Variants in TRAF2 observed in about 807,000 individuals in gnomAD.
TRAF2 encodes the protein TNF receptor associated factor 2, also known as TNF receptor-associated factor 2.
Under a neutral mutation model 55.6 loss-of-function variants are expected in TRAF2, and 6 were observed. The ratio of observed to expected loss-of-function variants is 0.11; its 90% confidence interval spans 0.06 to 0.21. The LOEUF (loss-of-function observed/expected upper bound fraction) is 0.21, where lower values mean the gene tolerates loss of function less well. Ranked by LOEUF, TRAF2 falls within the 10% of genes least tolerant of loss-of-function variation. The probability of loss-of-function intolerance (pLI) is 1.00; values close to 1 mark genes in which losing one functional copy is unlikely to be tolerated. For missense variants in TRAF2, 561 were observed against 684.5 expected, an observed-to-expected ratio of 0.82 and a Z score of 2.01; for synonymous variants, 329 against 276.3, an observed-to-expected ratio of 1.19 and a Z score of -1.89.
chr9:136,901,433 AAAGG>A (rs1849817882), intron 4 of TRAF2, among the ~76,000 whole-genome samples: 1 of 152,228 alleles, frequency 6.6e-6, no homozygotes, highest in Non-Finnish European at 1.5e-5. Flanking sequence ...TCAGCCTTAA[AAAGG>A]AAGGCGATTC....
In TRAF2 at chr9:136,888,512, A is replaced by G. The variant is rs1365908330; in HGVS notation, c.-29+1971A>G. 2.6e-5 allele frequency among the ~76,000 whole-genome samples: 4 copies of G among 152,220 alleles called. No individual in the cohort carries two copies. In the East Asian group the frequency reaches 5.8e-4, roughly 22 times the overall value. On this transcript the variant is annotated intron_variant, in intron 1 of 10. Transcript: ENST00000247668. ...GCAGTTGTGTGCTGTTGGTGGAGAC[A>G]TGAATTGAGGTTTGAATCTCCAGCA...
In TRAF2 at chr9:136,886,847, C is replaced by T. The variant is rs1261391002; in HGVS notation, c.-29+306C>T. The T allele has an allele frequency of 5.1e-5, 8 of 155,546 alleles. No homozygotes were observed. In the East Asian group the frequency reaches 1.5e-3, roughly 30 times the overall value. The allele number at this position is 155,546 out of a possible 1,614,324, so 9.6% of individuals were successfully genotyped here. The stretch of plus-strand genomic sequence containing the variant: ...TGCGCGGGGTCGCGGCTCCCAGTAC[C>T]GCCTGAGGCCCGTGGGCGGCCCACC... On this transcript the variant is annotated intron_variant, in intron 1 of 10. Coordinates refer to ENST00000247668, the MANE Select transcript of TRAF2 (RefSeq NM_021138.4).
In TRAF2 at chr9:136,898,710, T is replaced by G. The variant is rs990977089; in HGVS notation, c.-28-3T>G. The G allele has an allele frequency of 2.5e-6, 4 of 1,612,346 alleles. No individual in the cohort carries two copies. The highest frequency in any genetic ancestry group is 1.3e-5 in the African/African-American group (1 of 74,926). On this transcript the variant is annotated splice_region_variant and splice_polypyrimidine_tract_variant and intron_variant, in intron 1 of 10. Coordinates refer to ENST00000247668, the MANE Select transcript of TRAF2 (RefSeq NM_021138.4). ...GTGTAACGTGCTGTGTGTTCTTCCT[T>G]AGGGCTTTGTTCGCGGGGGTCACAG...
At chr9:136,896,122 A>G (rs528930541) in intron 1 of TRAF2, among the ~76,000 whole-genome samples, 2 of 152,028 alleles carry the variant, frequency 1.3e-5, no homozygotes, top group Admixed American at 6.6e-5. Flanking sequence ...GTCCCTCTCT[A>G]GCTGTCCCCA....
At chr9:136,888,527 A>G (rs1485402758) in intron 1 of TRAF2, among the ~76,000 whole-genome samples, 1 of 152,156 alleles carries the variant, frequency 6.6e-6, no homozygotes, top group Non-Finnish European at 1.5e-5. Context: ...TTGAGGTTTG[A>G]ATCTCCAGCA....
chr9:136,882,614 C>T (rs1172708080), upstream of TRAF2: 52 of 969,840 alleles, frequency 5.4e-5, 1 homozygote, highest in Non-Finnish European at 6.1e-6. Context: ...ACATACCCTC[C>T]CCCTGCCCCT....
At chr9:136,914,687 T>C (rs1334135038) in intron 6 of TRAF2, among the ~76,000 whole-genome samples, 1 of 152,188 alleles carries the variant, frequency 6.6e-6, no homozygotes, top group African/African-American at 2.4e-5. Context: ...ATAAGAACGG[T>C]GTCAGTAGCA....
intron 10 of TRAF2, among the ~76,000 whole-genome samples, chr9:136,925,235 G>A (rs956002485): frequency 1.3e-5 from 2 of 152,178 alleles, no homozygotes; most frequent in East Asian, 3.9e-4. Flanking sequence ...TCTGTCCTGG[G>A]GCATCCAGGT....
At chr9:136,885,552 G>C (rs534004046), upstream of TRAF2, among the ~76,000 whole-genome samples, 9 of 152,282 alleles carry the variant, frequency 5.9e-5, no homozygotes, top group African/African-American at 1.9e-4. Flanking sequence ...GTTTTCACTT[G>C]AGGTCGGGAG....
chr9:136,915,287 C>T (rs982411373), intron 6 of TRAF2, among the ~76,000 whole-genome samples: 3 of 152,138 alleles, frequency 2.0e-5, no homozygotes, highest in African/African-American at 4.8e-5. Context: ...GCTCCCCGTC[C>T]GCAGCGCCGT....
intron 4 of TRAF2, among the ~76,000 whole-genome samples, chr9:136,905,314 T>C (rs17250812): frequency 2.6e-5 from 4 of 152,306 alleles, no homozygotes; most frequent in Non-Finnish European, 4.4e-5. Flanking sequence ...CTCTCCTGTC[T>C]CAAAACTTAG....
At chr9:136,910,388 G>A (rs1850076063) in intron 6 of TRAF2, among the ~76,000 whole-genome samples, 1 of 152,180 alleles carries the variant, frequency 6.6e-6, no homozygotes, top group African/African-American at 2.4e-5. Context: ...GCCCTAGTCT[G>A]GTCTGCTGCC....
chr9:136,884,129 G>C (rs141842961), upstream of TRAF2, among the ~76,000 whole-genome samples: 23 of 151,902 alleles, frequency 1.5e-4, no homozygotes, highest in African/African-American at 5.5e-4. Flanking sequence ...TATTTTTTTA[G>C]TAGAGACGAG....
At chr9:136,895,356 T>C (rs987847589) in intron 1 of TRAF2, among the ~76,000 whole-genome samples, 1 of 152,202 alleles carries the variant, frequency 6.6e-6, no homozygotes, top group African/African-American at 2.4e-5. Context: ...GACACTCTTT[T>C]GGCAACTTGG....
In TRAF2 at chr9:136,920,386, G is replaced by T; in HGVS notation, c.831G>T (p.Lys277Asn). ...ELLQRCESLEKKTATFENIVC... is the reference protein window; with the variant it reads ...ELLQRCESLENKTATFENIVC... ...TGCAGAGGTGCGAGAGCCTGGAGAA[G>T]AAGACGGCCACTTTTGAGAACATTG... Residue 277 changes from lysine (K) to asparagine (N), a missense_variant, in exon 8 of 11, where the codon AAG (lysine) becomes AAT (asparagine). Around this residue, in one of 2 missense-constraint regions of TRAF2, gnomAD observed 426 missense variants for 476.8 expected, o/e 0.89. Coordinates refer to ENST00000247668, the MANE Select transcript of TRAF2 (RefSeq NM_021138.4). The T allele has an allele frequency of 6.2e-7, 1 of 1,614,176 alleles. No homozygotes were observed. The highest frequency in any genetic ancestry group is 8.5e-7 in the Non-Finnish European group (1 of 1,180,034).
Position 136,899,683 on chromosome 9 carries a change from T to G in TRAF2, c.267+11T>G. Reference sequence around the variant, plus strand: ...TTAGAAAGCAGTTCGGTAAGTAAAATGTCTTGAAGCTAAAAATGTTGAACA... The same window carrying G: ...TTAGAAAGCAGTTCGGTAAGTAAAAGGTCTTGAAGCTAAAAATGTTGAACA... On this transcript the variant is annotated intron_variant, in intron 3 of 10. Transcript: ENST00000247668. The G allele has an allele frequency of 6.2e-7, 1 of 1,609,702 alleles. No individual in the cohort carries two copies. The highest frequency in any genetic ancestry group is 8.5e-7 in the Non-Finnish European group (1 of 1,176,982).
intron 1 of TRAF2, among the ~76,000 whole-genome samples, chr9:136,893,792 C>T (rs1849627650): frequency 1.3e-5 from 2 of 152,114 alleles, no homozygotes; most frequent in Non-Finnish European, 2.9e-5. Flanking sequence ...CTGCAATGCG[C>T]AGGCTGGAGT....
In TRAF2 at chr9:136,901,707, C is replaced by T. The variant is rs139316299; in HGVS notation, c.366+1187C>T. ...GCTGTGAGGGCTGTTTGCTCAGAAT[C>T]CTGGCTTTCTGCACTTAGGGGAGCT... On this transcript the variant is annotated intron_variant, in intron 4 of 10. Transcript: ENST00000247668. Among the ~76,000 whole-genome samples the T allele has an allele frequency of 3.9e-3, 592 of 152,298 alleles. 6 individuals carry two copies. The highest frequency in any genetic ancestry group is 3.1e-3 in the Non-Finnish European group (212 of 68,012).
intron 4 of TRAF2, among the ~76,000 whole-genome samples, chr9:136,903,924 C>T (rs1045418075): frequency 3.9e-5 from 6 of 152,150 alleles, no homozygotes; most frequent in East Asian, 3.9e-4. Context: ...CCTCGTGATC[C>T]GCCTGCCTCG....
Sources: gnomAD v4.1 joint callset for allele counts (sites outside exome capture counted in the v4.1 genomes callset) on GRCh38, gnomAD v4.1.1 for gene constraint, gnomAD v4.1.1 regional missense constraint, MANE v1.5 for transcripts, NCBI Gene and HGNC (gene_info 2026-07-23, HGNC 2026-07-21) for gene names.